Variants in SLC12A7 observed in about 807,000 individuals in gnomAD.
The protein encoded by SLC12A7 is K-Cl cotransporter 4.
In SLC12A7, 100 loss-of-function variants were observed where a neutral mutation model predicts 120.6. The observed-to-expected ratio is 0.83, with a 90% confidence interval of 0.71 to 0.98. The LOEUF is 0.98. SLC12A7 is among the 50% of genes least tolerant of loss of function. The pLI is 0.00. For missense variants in SLC12A7, 1,373 were observed against 1,548.1 expected, an observed-to-expected ratio of 0.89 and a Z score of 1.90; for synonymous variants, 760 against 678.0, an observed-to-expected ratio of 1.12 and a Z score of -1.88.
At chr5:1,094,666 A>G (rs1740905759) in intron 1 of SLC12A7, among the ~76,000 whole-genome samples, 1 of 152,232 alleles carries the variant, frequency 6.6e-6, no homozygotes, top group African/African-American at 2.4e-5. Context: ...AAAATCTCTC[A>G]TTCAGCCAAA....
chr5:1,114,973 C>T (rs1429704316), upstream of SLC12A7, among the ~76,000 whole-genome samples: 3 of 152,200 alleles, frequency 2.0e-5, no homozygotes, highest in East Asian at 5.8e-4. Flanking sequence ...GCAAGGGTGC[C>T]TCTCCCTCAT....
At chr5:1,092,585 C>T (rs529438787) in intron 3 of SLC12A7, among the ~76,000 whole-genome samples, 4 of 152,288 alleles carry the variant, frequency 2.6e-5, no homozygotes, top group East Asian at 3.9e-4. Context: ...AAAAAGCCAA[C>T]GTATGCCCTT....
chr5:1,144,236 C>T, the SLC12A7 span, among the ~76,000 whole-genome samples: 3 of 152,130 alleles, frequency 2.0e-5, no homozygotes, highest in Non-Finnish European at 2.9e-5. Flanking sequence ...CGCCGGGTGG[C>T]GGGAGAGGAT....
upstream of SLC12A7, among the ~76,000 whole-genome samples, chr5:1,115,064 G>A (rs1026559442): frequency 3.9e-5 from 6 of 152,214 alleles, no homozygotes; most frequent in Admixed American, 2.6e-4. Flanking sequence ...CACATTGGTG[G>A]GTCTCAGTCG....
intron 1 of SLC12A7, among the ~76,000 whole-genome samples, chr5:1,102,284 G>A (rs1019109437): frequency 1.3e-5 from 2 of 152,328 alleles, no homozygotes; most frequent in East Asian, 1.9e-4. Flanking sequence ...TGGGAAGTGC[G>A]TTCATGGGTA....
At chr5:1,115,776 C>T (rs1373351621), upstream of SLC12A7, among the ~76,000 whole-genome samples, 1 of 149,284 alleles carries the variant, frequency 6.7e-6, no homozygotes, top group Non-Finnish European at 1.5e-5. Flanking sequence ...TGGCCCAGCA[C>T]CCATGGTGAG....
At chr5:1,087,146 C>A (rs1286249403) in intron 5 of SLC12A7, 113 bp from the exon 6 acceptor site, 17 of 1,355,412 alleles carry the variant, frequency 1.3e-5, no homozygotes, top group Non-Finnish European at 1.5e-5. Flanking sequence ...GCGAAGGCAG[C>A]GTGTAGACCC....
At position 1,101,711 on chromosome 5, in the gene SLC12A7, G is replaced by A. The variant is rs1265048438; in HGVS notation, c.125-7463C>T. On this transcript the variant is annotated intron_variant, in intron 1 of 23. Transcript: ENST00000264930. ...AGCCCTATGGGTGCTAGCTGTCCAC[G>A]CACAGATCCGCCCCACACAGCCCTG... 3.9e-5 allele frequency among the ~76,000 whole-genome samples: 6 copies of A among 152,170 alleles called. No individual in the cohort carries two copies. The South Asian group carries it at 8.3e-4, about 21-fold the overall frequency.
At chr5:1,152,170 T>C in the SLC12A7 span, among the ~76,000 whole-genome samples, 11 of 152,254 alleles carry the variant, frequency 7.2e-5, no homozygotes, top group East Asian at 1.9e-3. Flanking sequence ...ACCTCCCAGC[T>C]GGACCCTCCC....
chr5:1,087,361 A>C (rs1450412947), intron 5 of SLC12A7, among the ~76,000 whole-genome samples: 5 of 152,190 alleles, frequency 3.3e-5, no homozygotes, highest in Non-Finnish European at 4.4e-5. Flanking sequence ...CCCAGCCCCC[A>C]CTTCCACTAA....
At chr5:1,100,471 A>G in intron 1 of SLC12A7, among the ~76,000 whole-genome samples, 1 of 152,244 alleles carries the variant, frequency 6.6e-6, no homozygotes, top group East Asian at 1.9e-4. Context: ...ACAGCACAGC[A>G]GGCCCCAAAG....
chr5:1,103,884 C>A (rs1742252129), intron 1 of SLC12A7, among the ~76,000 whole-genome samples: 2 of 152,246 alleles, frequency 1.3e-5, no homozygotes, highest in South Asian at 4.1e-4. Context: ...CAGCCTCCTC[C>A]CTCAGCAGCC....
At chr5:1,057,088 C>CT (rs1281807337) in intron 22 of SLC12A7, 37 of 184,474 alleles carry the variant, frequency 2.0e-4, no homozygotes, top group African/African-American at 8.6e-4. Flanking sequence ...AGGAGGACTG[C>CT]TCGTCACCCA....
intron 20 of SLC12A7, among the ~76,000 whole-genome samples, chr5:1,061,724 T>G (rs1034823168): frequency 6.6e-6 from 1 of 151,268 alleles, no homozygotes; most frequent in Non-Finnish European, 1.5e-5. Flanking sequence ...CCGAGGCGGG[T>G]GGATCACCTG....
chr5:1,093,589 T>A lies in SLC12A7; in HGVS notation c.286A>T (p.Ser96Cys). 1 of 1,612,648 alleles carries A rather than the reference T, an allele frequency of 6.2e-7. No individual in the cohort carries two copies. Among genetic ancestry groups the A allele is most frequent in the Non-Finnish European group, 8.5e-7 (1 of 1,179,770 alleles). ...LNKLANYTNL[S>C]QGVVEHEEDE... ...TCCTCGTGCTCCACCACGCCCTGGC[T>A]CAGGTTGGTGTAGTTGGCCAGCTTG... is the stretch of plus-strand genomic sequence containing the variant. The change falls in exon 3 of 24, where the codon AGC (serine) becomes TGC (cysteine). Residue 96 changes from serine to cysteine, a missense_variant. Coordinates refer to ENST00000264930, the MANE Select transcript of SLC12A7 (RefSeq NM_006598.3).
chr5:1,115,976 G>A (rs1324191787), upstream of SLC12A7, among the ~76,000 whole-genome samples: 2 of 150,442 alleles, frequency 1.3e-5, no homozygotes, highest in African/African-American at 2.5e-5. Flanking sequence ...CTGGCAGGGT[G>A]GGGTATGTGG....
Position 1,098,023 on chromosome 5 carries a change from C to A in SLC12A7, c.125-3775G>T, listed in dbSNP as rs552113617. Among the ~76,000 whole-genome samples, 56 of 152,064 alleles carry A rather than the reference C, an allele frequency of 3.7e-4. No individual in the cohort carries two copies. The South Asian group carries it at 6.4e-3, about 17-fold the overall frequency. On this transcript the variant is annotated intron_variant, in intron 1 of 23. Transcript: ENST00000264930. ...GGGACGTCATGGGCTCAATGCCATC[C>A]CAGTCAAGAGACCCTTCGTTAAAAA...
At position 1,077,842 on chromosome 5, in the gene SLC12A7, G is replaced by A. The variant is rs1272098001; in HGVS notation, c.1620C>T (p.Pro540=). 6.3e-7 allele frequency: 1 copy of A among 1,587,730 alleles called. No individual in the cohort carries two copies. Among genetic ancestry groups the A allele is most frequent in the Non-Finnish European group, 8.6e-7 (1 of 1,167,916 alleles). The part of the protein sequence containing the change: ...LQAIARDGIV[P]FLQVFGHGKA... ...AGGGTGCGGGACTCACCTGCAGGAA[G>A]GGGACGATGCCGTCACGGGCAATGG... The change falls in exon 12 of 24, where the codon CCC becomes CCT. Residue 540 remains proline, a synonymous_variant. Coordinates refer to ENST00000264930, the MANE Select transcript of SLC12A7 (RefSeq NM_006598.3).
intron 1 of SLC12A7, among the ~76,000 whole-genome samples, chr5:1,109,493 G>C (rs1742827071): frequency 6.6e-6 from 1 of 152,236 alleles, no homozygotes; most frequent in African/African-American, 2.4e-5. Flanking sequence ...AAGAAGTGCT[G>C]AGGGCACAGT....
Sources: allele counts gnomAD v4.1 joint callset (sites outside exome capture counted in the v4.1 genomes callset), GRCh38; gene constraint gnomAD v4.1.1; transcripts MANE v1.5; gene names NCBI Gene and HGNC (gene_info 2026-07-23, HGNC 2026-07-21).